SIGLEC5: variants seen among roughly 807,000 people sequenced by gnomAD.
SIGLEC5 encodes the protein sialic acid-binding Ig-like lectin 5.
Under a neutral mutation model 45.9 loss-of-function variants are expected in SIGLEC5, and 34 were observed. The observed-to-expected ratio is 0.74, with a 90% confidence interval of 0.56 to 0.99. The LOEUF (loss-of-function observed/expected upper bound fraction) is 0.99. SIGLEC5 is among the 50% of genes least tolerant of loss of function. The pLI is 0.00. For missense variants in SIGLEC5, 508 were observed against 629.6 expected (o/e 0.81, Z 2.07); for synonymous variants, 203 against 258.6 (o/e 0.79, Z 2.06).
chr19:51,624,067 G>A (rs1396095363), intron 8 of SIGLEC5, among the ~76,000 whole-genome samples: 1 of 152,102 alleles, frequency 6.6e-6, no homozygotes, highest in Admixed American at 6.5e-5. Flanking sequence ...GCTGAGGCAG[G>A]AGAGTTGCTT....
intron 4 of SIGLEC5, 25 bp downstream of exon 4, chr19:51,629,013 G>A (rs199822626): frequency 6.2e-7 from 1 of 1,610,186 alleles, no homozygotes; most frequent in African/African-American, 1.3e-5. Flanking sequence ...GCAGGTCCCA[G>A]CTTCAGAGAG....
chr19:51,629,516 G>C lies in SIGLEC5; in HGVS notation c.542C>G (p.Thr181Arg), dbSNP rs776241864. 20 of 1,598,524 alleles carry C rather than the reference G, an allele frequency of 1.3e-5. No homozygotes were observed. Among genetic ancestry groups the C allele is most frequent in the East Asian group, 9.0e-5 (4 of 44,502 alleles). ...GTCCAGGGGGCTGAGGGCATTCCCC[G>C]TCCAGGAGAATGTGAGAGGTGGTCC... ...EAGPPLTFSW[T>R]GNALSPLDPE... Residue 181 changes from threonine (T) to arginine (R), a missense_variant, in exon 3 of 9, where the codon ACG becomes AGG. Physicochemically the swap from Thr to Arg is moderately conservative, Grantham distance 71 (BLOSUM62 -1). Around this residue, in one of 2 missense-constraint regions of SIGLEC5, gnomAD observed 77 missense variants for 200.8 expected, o/e 0.38. Coordinates refer to ENST00000683636, the MANE Select transcript of SIGLEC5 (RefSeq NM_003830.4).
At chr19:51,627,361 G>A in intron 6 of SIGLEC5, 101 bp downstream of exon 6, 6 of 1,537,080 alleles carry the variant, frequency 3.9e-6, no homozygotes, top group Non-Finnish European at 5.3e-6. Flanking sequence ...GAAGAACCCT[G>A]TCTCCCCACC....
chr19:51,619,529 GA>G (rs1983202795), intron 8 of SIGLEC5, among the ~76,000 whole-genome samples: 1 of 152,126 alleles, frequency 6.6e-6, no homozygotes, highest in Non-Finnish European at 1.5e-5. Context: ...ATTTAATTAT[GA>G]AAGATGTTTA....
In SIGLEC5 at chr19:51,612,407, G is replaced by T; in HGVS notation, c.1480C>A (p.Pro494Thr). Residue 494 changes from proline to threonine, a missense_variant, in exon 9 of 9, where the codon CCC becomes ACC. Transcript: ENST00000683636. The part of the protein sequence containing the change: ...GTITSGSRKK[P>T]WPDSPGDQAS... ...TGATCTCCGGGGCTGTCTGGCCAGG[G>T]CTTCTTCCTGGAACCCTGAGTAAAG... is the stretch of plus-strand genomic sequence containing the variant. 1 of 1,610,608 alleles carries T rather than the reference G, an allele frequency of 6.2e-7. No homozygotes were observed. Among genetic ancestry groups the T allele is most frequent in the Middle Eastern group, 1.7e-4 (1 of 5,980 alleles).
chr19:51,615,443 C>T (rs1983018495), intron 8 of SIGLEC5, among the ~76,000 whole-genome samples: 1 of 152,144 alleles, frequency 6.6e-6, no homozygotes, highest in African/African-American at 2.4e-5. Flanking sequence ...CATTGTCTGC[C>T]CCTCACTGCA....
In SIGLEC5 at chr19:51,629,054, G is replaced by C. The variant is rs138661806; in HGVS notation, c.723C>G (p.Ile241Met). 3.1e-6 allele frequency: 5 copies of C among 1,613,914 alleles called. No homozygotes were observed. The highest frequency in any genetic ancestry group is 4.2e-6 in the Non-Finnish European group (5 of 1,179,898). Residue 241 changes from isoleucine (I) to methionine (M), a missense_variant, in exon 4 of 9, where the codon ATC becomes ATG. Physicochemically the swap from Ile to Met is conservative, Grantham distance 10. Transcript: ENST00000683636. ...CTTTCCTACCTATGCCGTTCCTGAAGATGGTGATGGTCTGTGGAGCATCTG... is the reference window on the plus strand; with the variant it reads ...CTTTCCTACCTATGCCGTTCCTGAACATGGTGATGGTCTGTGGAGCATCTG... The part of the protein sequence containing the change: ...NVSYAPQTIT[I>M]FRNGIALEIL...
intron 8 of SIGLEC5, among the ~76,000 whole-genome samples, chr19:51,625,264 G>A (rs757194315): frequency 2.0e-5 from 3 of 152,252 alleles, no homozygotes; most frequent in Admixed American, 6.5e-5. Flanking sequence ...AGCGTGGCCA[G>A]GCCACGGGGC....
Position 51,628,046 on chromosome 19 carries a change from C to G in SIGLEC5, c.785G>C (p.Gly262Ala). The part of the protein sequence containing the change: ...QNTSYLPVLE[G>A]QALRLLCDAP... ...ATCACAGAGCAGCCGCAGAGCCTGGCCCTCCAGGACCGGAAGGTATGAGGT... is the reference window on the plus strand; with the variant it reads ...ATCACAGAGCAGCCGCAGAGCCTGGGCCTCCAGGACCGGAAGGTATGAGGT... The change falls in exon 5 of 9, where the codon GGC becomes GCC. Residue 262 changes from glycine (G) to alanine (A), a missense_variant. By Grantham distance (60) the Gly-to-Ala change is moderately conservative. This residue lies in a region of SIGLEC5 where 431 missense variants were observed against 428.8 expected (regional missense o/e 1.01). Coordinates refer to ENST00000683636, the MANE Select transcript of SIGLEC5 (RefSeq NM_003830.4). The G allele has an allele frequency of 6.3e-7, 1 of 1,584,816 alleles. No homozygotes were observed. Among genetic ancestry groups the G allele is most frequent in the South Asian group, 1.1e-5 (1 of 87,412 alleles).
intron 8 of SIGLEC5, among the ~76,000 whole-genome samples, chr19:51,615,042 G>A (rs1423844506): frequency 1.3e-5 from 2 of 152,182 alleles, no homozygotes; most frequent in Non-Finnish European, 2.9e-5. Flanking sequence ...CTGAATGCAG[G>A]ACGTCAAACT....
At position 51,628,009 on chromosome 19, in the gene SIGLEC5, G is replaced by T; in HGVS notation, c.822C>A (p.Asn274Lys). ...GGAACCAGCTCAGGTGTGCAGGGGGGTTGCTGGGAGCATCACAGAGCAGCC... is the reference window on the plus strand; with the variant it reads ...GGAACCAGCTCAGGTGTGCAGGGGGTTTGCTGGGAGCATCACAGAGCAGCC... ...ALRLLCDAPSNPPAHLSWFQG... is the reference protein window; with the variant it reads ...ALRLLCDAPSKPPAHLSWFQG... The change falls in exon 5 of 9, where the codon AAC becomes AAA. Residue 274 changes from asparagine (N) to lysine (K), a missense_variant. Around this residue, in one of 2 missense-constraint regions of SIGLEC5, gnomAD observed 431 missense variants for 428.8 expected, o/e 1.01. Transcript: ENST00000683636. 1 of 1,610,534 alleles carries T rather than the reference G, an allele frequency of 6.2e-7. No individual in the cohort carries two copies. The highest frequency in any genetic ancestry group is 8.5e-7 in the Non-Finnish European group (1 of 1,178,232).
chr19:51,628,826 CGTGTGTGT>C (rs888817069), intron 4 of SIGLEC5, among the ~76,000 whole-genome samples: 1 of 133,668 alleles, frequency 7.5e-6, no homozygotes, highest in Non-Finnish European at 1.6e-5. Flanking sequence ...TGTGTGTGTG[CGTGTGTGT>C]GTGCGTGTGT....
chr19:51,613,157 G>C (rs553250083), intron 8 of SIGLEC5, among the ~76,000 whole-genome samples: 1 of 152,168 alleles, frequency 6.6e-6, no homozygotes, highest in African/African-American at 2.4e-5. Flanking sequence ...TAGGAAAGCT[G>C]CAAGGGAATC....
chr19:51,629,198 C>T, intron 3 of SIGLEC5, 122 bp from the exon 4 acceptor site: 5 of 1,519,638 alleles, frequency 3.3e-6, no homozygotes, highest in Non-Finnish European at 2.7e-6. Flanking sequence ...CTGTCTCACT[C>T]CCCGCAGATC....
chr19:51,618,959 A>G (rs532946265), intron 8 of SIGLEC5, among the ~76,000 whole-genome samples: 47 of 152,358 alleles, frequency 3.1e-4, no homozygotes, highest in African/African-American at 1.1e-3. Flanking sequence ...TACAGTAAGA[A>G]ATTGACAAAT....
At chr19:51,629,711 C>A in intron 2 of SIGLEC5, 75 bp from the exon 3 acceptor site, 2 of 866,200 alleles carry the variant, frequency 2.3e-6, no homozygotes, top group Admixed American at 2.9e-5. Flanking sequence ...AGTGGCCAGG[C>A]CTCAGGCCCC....
chr19:51,623,335 T>C (rs773185767), intron 8 of SIGLEC5, among the ~76,000 whole-genome samples: 1 of 152,208 alleles, frequency 6.6e-6, no homozygotes, highest in Non-Finnish European at 1.5e-5. Context: ...TAGGAACTTA[T>C]GTTCATTGAA....
chr19:51,620,296 AC>A (rs1568589767), intron 8 of SIGLEC5, among the ~76,000 whole-genome samples: 1 of 151,976 alleles, frequency 6.6e-6, no homozygotes, highest in African/African-American at 2.4e-5. Context: ...TTATCTTGAT[AC>A]CCAAACAGAA....
chr19:51,616,954 T>C (rs1448512015), intron 8 of SIGLEC5, among the ~76,000 whole-genome samples: 1 of 88,758 alleles, frequency 1.1e-5, no homozygotes, highest in South Asian at 3.4e-4. Flanking sequence ...TAGATAATAA[T>C]AGTTTTCAAA....
Sources: gnomAD v4.1 joint callset for allele counts (sites outside exome capture counted in the v4.1 genomes callset) on GRCh38, gnomAD v4.1.1 for gene constraint, gnomAD v4.1.1 regional missense constraint, MANE v1.5 for transcripts, NCBI Gene and HGNC (gene_info 2026-07-23, HGNC 2026-07-21) for gene names.